Variants in TSHZ2 observed in about 807,000 individuals in gnomAD.
TSHZ2 encodes the protein teashirt homolog 2.
A neutral mutation model predicts 74.4 loss-of-function variants in TSHZ2; 21 were observed. The observed-to-expected ratio is 0.28, with a 90% CI of 0.20 to 0.41. The LOEUF is 0.41. Among genes scored for constraint, TSHZ2 ranks in the 10% least tolerant of loss-of-function variants. The pLI, the probability that TSHZ2 is intolerant of heterozygous loss-of-function variation, is 1.00. For missense variants in TSHZ2, 1,244 were observed against 1,293.5 expected, an observed-to-expected ratio of 0.96 and a Z score of 0.59; for synonymous variants, 540 against 515.3, an observed-to-expected ratio of 1.05 and a Z score of -0.65.
intron 1 of TSHZ2, among the ~76,000 whole-genome samples, chr20:53,240,527 AAAGGTGTTAG>A (rs1347957239): frequency 2.0e-5 from 3 of 152,128 alleles, no homozygotes; most frequent in Admixed American, 6.6e-5. Flanking sequence ...AGGGTCACTC[AAAGGTGTTAG>A]AAGCTGCATA....
At chr20:52,990,235 T>C (rs1412216670) in intron 1 of TSHZ2, among the ~76,000 whole-genome samples, 1 of 152,130 alleles carries the variant, frequency 6.6e-6, no homozygotes. Context: ...AGCTAATATT[T>C]TATAATTTGA....
At chr20:53,384,605 T>G (rs1981978065) in intron 2 of TSHZ2, among the ~76,000 whole-genome samples, 1 of 152,172 alleles carries the variant, frequency 6.6e-6, no homozygotes, top group African/African-American at 2.4e-5. Context: ...TTGACCTCTT[T>G]GGGCCTGTGT....
At chr20:53,128,637 T>G (rs1011927326) in intron 1 of TSHZ2, among the ~76,000 whole-genome samples, 1 of 152,052 alleles carries the variant, frequency 6.6e-6, no homozygotes, top group Non-Finnish European at 1.5e-5. Flanking sequence ...GCACTTTTTT[T>G]TTTAGATGGA....
intron 2 of TSHZ2, among the ~76,000 whole-genome samples, chr20:53,473,772 G>T (rs957066720): frequency 2.0e-5 from 3 of 151,992 alleles, no homozygotes; most frequent in East Asian, 1.9e-4. Context: ...AACTTTAGAA[G>T]AATGTATAAC....
At position 53,043,011 on chromosome 20, in the gene TSHZ2, G is replaced by T. The variant is rs571672832; in HGVS notation, c.40+69678G>T. Among the ~76,000 whole-genome samples, 4 of 152,284 alleles carry T rather than the reference G, an allele frequency of 2.6e-5. No individual in the cohort carries two copies. The South Asian group carries it at 8.3e-4, about 32-fold the overall frequency. The stretch of plus-strand genomic sequence containing the variant: ...GCAGTGTCACTGTTTCTTAAAGTAG[G>T]CAGAACCTCTAAATACAGGCATGTG... On this transcript the variant is annotated intron_variant, in intron 1 of 2. Coordinates refer to ENST00000371497, the MANE Select transcript of TSHZ2 (RefSeq NM_173485.6).
At chr20:53,132,942 T>C (rs1208185181) in intron 1 of TSHZ2, among the ~76,000 whole-genome samples, 1 of 152,192 alleles carries the variant, frequency 6.6e-6, no homozygotes, top group Non-Finnish European at 1.5e-5. Flanking sequence ...TCTTATTCTC[T>C]TTCTACCGTT....
At chr20:53,164,792 A>G (rs1227737198) in intron 1 of TSHZ2, among the ~76,000 whole-genome samples, 1 of 152,182 alleles carries the variant, frequency 6.6e-6, no homozygotes, top group Non-Finnish European at 1.5e-5. Flanking sequence ...TTCCCTACGC[A>G]TTGGCTTTAA....
intron 1 of TSHZ2, among the ~76,000 whole-genome samples, chr20:52,984,614 G>A (rs1981685507): frequency 6.6e-6 from 1 of 152,150 alleles, no homozygotes; most frequent in South Asian, 2.1e-4. Context: ...CAAGGGGCTG[G>A]GGCTGTCACC....
chr20:53,297,613 G>A (rs1991403945), intron 2 of TSHZ2, among the ~76,000 whole-genome samples: 1 of 152,192 alleles, frequency 6.6e-6, no homozygotes, highest in Admixed American at 6.5e-5. Context: ...GGGCAACCTG[G>A]GGGTAGGACA....
At chr20:53,217,639 C>T (rs910389685) in intron 1 of TSHZ2, among the ~76,000 whole-genome samples, 20 of 152,102 alleles carry the variant, frequency 1.3e-4, no homozygotes, top group African/African-American at 4.3e-4. Flanking sequence ...AGCTCTGCCA[C>T]GCAACCACAC....
At chr20:53,077,383 C>T (rs1244056372) in intron 1 of TSHZ2, among the ~76,000 whole-genome samples, 3 of 148,284 alleles carry the variant, frequency 2.0e-5, no homozygotes, top group Non-Finnish European at 4.4e-5. Context: ...TGCACTGCAG[C>T]CAGGATGACA....
chr20:53,374,902 G>A (rs1296508314), intron 2 of TSHZ2, among the ~76,000 whole-genome samples: 11 of 139,788 alleles, frequency 7.9e-5, no homozygotes, highest in Non-Finnish European at 1.4e-4. Flanking sequence ...GAGGTAGGTT[G>A]TCTGTATACT....
chr20:52,988,537 C>T (rs1004485874), intron 1 of TSHZ2, among the ~76,000 whole-genome samples: 1 of 151,542 alleles, frequency 6.6e-6, no homozygotes, highest in Non-Finnish European at 1.5e-5. Context: ...GAGGCTAAGG[C>T]CATGAACTGA....
chr20:53,207,549 A>G (rs1338004677), intron 1 of TSHZ2, among the ~76,000 whole-genome samples: 1 of 152,202 alleles, frequency 6.6e-6, no homozygotes, highest in Non-Finnish European at 1.5e-5. Context: ...GCAGAGGCCT[A>G]TCTGACCCCA....
intron 1 of TSHZ2, among the ~76,000 whole-genome samples, chr20:52,987,092 C>T (rs115329735): frequency 0.014 from 2,206 of 152,244 alleles, 55 homozygotes; most frequent in African/African-American, 0.051. Flanking sequence ...CTTCCAAAAA[C>T]TTTGGAAATC....
At chr20:53,145,221 G>A (rs1184853441) in intron 1 of TSHZ2, among the ~76,000 whole-genome samples, 1 of 152,196 alleles carries the variant, frequency 6.6e-6, no homozygotes, top group African/African-American at 2.4e-5. Flanking sequence ...CCTCTGATCA[G>A]GACATGGTGG....
chr20:53,042,701 GA>G (rs5841925), intron 1 of TSHZ2, among the ~76,000 whole-genome samples: 14,369 of 128,458 alleles, frequency 0.11, 1,041 homozygotes, highest in African/African-American at 0.26. Flanking sequence ...AAGTAGAGAA[GA>G]AAAAAAAAAA....
intron 1 of TSHZ2, among the ~76,000 whole-genome samples, chr20:53,026,945 T>G (rs1449448949): frequency 2.6e-5 from 4 of 152,106 alleles, no homozygotes; most frequent in Non-Finnish European, 5.9e-5. Flanking sequence ...CATAAGTTAT[T>G]TATGTATTTA....
intron 2 of TSHZ2, among the ~76,000 whole-genome samples, chr20:53,484,707 G>A (rs1986250754): frequency 6.6e-6 from 1 of 152,054 alleles, no homozygotes; most frequent in South Asian, 2.1e-4. Context: ...TTTTTAAAAT[G>A]AGATTGTTTC....
Sources: gnomAD v4.1 joint callset for allele counts (sites outside exome capture counted in the v4.1 genomes callset) on GRCh38, gnomAD v4.1.1 for gene constraint, MANE v1.5 for transcripts, NCBI Gene and HGNC (gene_info 2026-07-23, HGNC 2026-07-21) for gene names.